The following MGAT5B variants were observed in gnomAD, a reference collection of about 807,000 sequenced individuals.
MGAT5B encodes the protein alpha-1,6-mannosylglycoprotein 6-beta-N-acetylglucosaminyltransferase B, also known as N-acetylglucosaminyl-transferase Vb.
MGAT5B carries 54 observed loss-of-function variants against 95.1 expected under a neutral mutation model. That is an observed-to-expected ratio of 0.57 (90% confidence interval 0.46 to 0.71). The LOEUF (loss-of-function observed/expected upper bound fraction) is 0.71. Ranked by LOEUF, MGAT5B falls within the 30% of genes least tolerant of loss-of-function variation. The pLI is 0.00. For missense variants in MGAT5B, 935 were observed against 1,088.6 expected (o/e 0.86, Z 1.99); for synonymous variants, 464 against 451.0 (o/e 1.03, Z -0.36).
At chr17:76,894,040 C>T (rs2051258236) in intron 3 of MGAT5B, among the ~76,000 whole-genome samples, 1 of 152,178 alleles carries the variant, frequency 6.6e-6, no homozygotes, top group African/African-American at 2.4e-5. Flanking sequence ...TGATTGAAGC[C>T]AGTGTTCCAC....
Position 76,930,793 on chromosome 17 carries a change from G to A in MGAT5B, c.1292-1852G>A, listed in dbSNP as rs1281529034. On this transcript the variant is annotated intron_variant, in intron 10 of 17. Transcript: ENST00000569840. The surrounding 1 kb of genome is among the most constrained non-coding windows in gnomAD (Gnocchi z 4.1). ...CTGCTGTAACAGAGACCTAACTGCCGCAGATGGGGCCACAAAGGGAGGCAC... is the reference window on the plus strand; with the variant it reads ...CTGCTGTAACAGAGACCTAACTGCCACAGATGGGGCCACAAAGGGAGGCAC... Among the ~76,000 whole-genome samples, 3 of 152,292 alleles carry A rather than the reference G, an allele frequency of 2.0e-5. No homozygotes were observed. The highest frequency in any genetic ancestry group is 2.0e-4 in the Admixed American group (3 of 15,296).
chr17:76,946,413 G>C lies in MGAT5B; in HGVS notation c.1886G>C (p.Gly629Ala). The C allele has an allele frequency of 6.2e-7, 1 of 1,605,940 alleles. No individual in the cohort carries two copies. The highest frequency in any genetic ancestry group is 8.5e-7 in the Non-Finnish European group (1 of 1,175,834). ...CTACCCTACGAGTACACCTGCGAGG[G>C]GATGCTGGAGCGGATCCACGCCTAC... is the stretch of plus-strand genomic sequence containing the variant. ...PYLPYEYTCE[G>A]MLERIHAYIQ... The change falls in exon 16 of 18, where the codon GGG (glycine) becomes GCG (alanine). Residue 629 changes from glycine (G) to alanine (A), a missense_variant. By Grantham distance (60) the Gly-to-Ala change is moderately conservative. This residue lies in a region of MGAT5B where 440 missense variants were observed against 523.6 expected (regional missense o/e 0.84). Coordinates refer to ENST00000569840, the MANE Select transcript of MGAT5B (RefSeq NM_001199172.2).
chr17:76,948,126 C>T lies in MGAT5B; in HGVS notation c.2180+40C>T, dbSNP rs748600553. On this transcript the variant is annotated intron_variant, in intron 17 of 17. Transcript: ENST00000569840. ...ACCCTCCCCACCCAGCCGCTATCATCGCTGGCCCAGCCGGGTTCACTGAGA... is the reference window on the plus strand; with the variant it reads ...ACCCTCCCCACCCAGCCGCTATCATTGCTGGCCCAGCCGGGTTCACTGAGA... 4.6e-5 allele frequency: 67 copies of T among 1,451,480 alleles called. No individual in the cohort carries two copies. In the East Asian group the frequency reaches 1.1e-3, roughly 25 times the overall value. 89.9% of individuals were successfully genotyped at this position (1,451,480 alleles called of 1,614,324 possible).
chr17:76,887,182 G>A (rs1328223626), intron 3 of MGAT5B, among the ~76,000 whole-genome samples: 3 of 152,190 alleles, frequency 2.0e-5, no homozygotes, highest in South Asian at 2.1e-4. Context: ...ACACTCAGAC[G>A]TGGGGTCTCC....
intron 3 of MGAT5B, among the ~76,000 whole-genome samples, chr17:76,891,449 G>A (rs1003523116): frequency 6.6e-6 from 1 of 151,684 alleles, no homozygotes; most frequent in Non-Finnish European, 1.5e-5. Flanking sequence ...GTACAATCTC[G>A]GCTCACTACA....
At position 76,933,529 on chromosome 17, in the gene MGAT5B, C is replaced by T. The variant is rs569071092; in HGVS notation, c.1428+232C>T. ...AGGCAAGTCCTGGGAGGTCAAGGTCCTGCTTGGCATGGCCACAGGGCAGCC... is the reference window on the plus strand; with the variant it reads ...AGGCAAGTCCTGGGAGGTCAAGGTCTTGCTTGGCATGGCCACAGGGCAGCC... On this transcript the variant is annotated intron_variant, in intron 12 of 17. Coordinates refer to ENST00000569840, the MANE Select transcript of MGAT5B (RefSeq NM_001199172.2). 1.1e-4 allele frequency among the ~76,000 whole-genome samples: 17 copies of T among 152,250 alleles called. 1 individual carries two copies. Among genetic ancestry groups the T allele is most frequent in the Non-Finnish European group, 2.4e-4 (16 of 68,012 alleles).
intron 8 of MGAT5B, among the ~76,000 whole-genome samples, chr17:76,921,487 G>A (rs1425266559): frequency 6.6e-6 from 1 of 152,144 alleles, no homozygotes; most frequent in Non-Finnish European, 1.5e-5. Context: ...GGGTGCCAAG[G>A]TTTAGGGCTG....
At chr17:76,913,973 C>T (rs925702349) in intron 8 of MGAT5B, 26 of 350,662 alleles carry the variant, frequency 7.4e-5, no homozygotes, top group South Asian at 2.6e-4. Flanking sequence ...TAGCCAAGTG[C>T]GCCTGTGGTC....
intron 15 of MGAT5B, among the ~76,000 whole-genome samples, chr17:76,941,293 C>T (rs553737205): frequency 2.3e-4 from 35 of 152,346 alleles, no homozygotes; most frequent in Middle Eastern, 3.4e-3. Flanking sequence ...GGCAACGCTT[C>T]GAGTAGCAAG....
In MGAT5B at chr17:76,903,325, G is replaced by T; in HGVS notation, c.468G>T (p.Gln156His). ...CAGTGTCAGAAGGCCGGCGGGACCA[G>T]TGTGAGGCACCCAGTGACCCCAAGT... is the stretch of plus-strand genomic sequence containing the variant. ...HSKVSEGRRDQCEAPSDPKFP... is the reference protein window; with the variant it reads ...HSKVSEGRRDHCEAPSDPKFP... Residue 156 changes from glutamine (Q) to histidine (H), a missense_variant, in exon 5 of 18, where the codon CAG becomes CAT. Around this residue, in one of 4 missense-constraint regions of MGAT5B, gnomAD observed 243 missense variants for 228.2 expected, o/e 1.06. Transcript: ENST00000569840. The T allele has an allele frequency of 6.2e-7, 1 of 1,611,302 alleles. No homozygotes were observed. The highest frequency in any genetic ancestry group is 8.5e-7 in the Non-Finnish European group (1 of 1,178,712).
chr17:76,931,030 C>T (rs1226072748), intron 10 of MGAT5B, among the ~76,000 whole-genome samples: 1 of 152,238 alleles, frequency 6.6e-6, no homozygotes, highest in East Asian at 1.9e-4. Context: ...GGCTCTGTTT[C>T]AGGTGCTGGT....
chr17:76,926,473 A>G lies in MGAT5B; in HGVS notation c.1158-124A>G, dbSNP rs1204489953. The G allele has an allele frequency of 5.3e-6, 5 of 935,976 alleles. No homozygotes were observed. The East Asian group carries it at 8.0e-5, about 15-fold the overall frequency. 58.0% of individuals were successfully genotyped at this position (935,976 alleles called of 1,614,324 possible). On this transcript the variant is annotated intron_variant, in intron 9 of 17. Coordinates refer to ENST00000569840, the MANE Select transcript of MGAT5B (RefSeq NM_001199172.2). ...AGGGCAGTGTCCTAGTCCAAGTGCTAACACACACTGTGCTACTCTGACTCC... is the reference window on the plus strand; with the variant it reads ...AGGGCAGTGTCCTAGTCCAAGTGCTGACACACACTGTGCTACTCTGACTCC...
Position 76,903,324 on chromosome 17 carries a change from A to T in MGAT5B, c.467A>T (p.Gln156Leu), listed in dbSNP as rs1261107519. ...ACAGTGTCAGAAGGCCGGCGGGACC[A>T]GTGTGAGGCACCCAGTGACCCCAAG... ...HSKVSEGRRD[Q>L]CEAPSDPKFP... Residue 156 changes from glutamine (Q) to leucine (L), a missense_variant, in exon 5 of 18, where the codon CAG becomes CTG. Gln to Leu is a moderately radical substitution (Grantham distance 113). Transcript: ENST00000569840. 1.2e-6 allele frequency: 2 copies of T among 1,610,786 alleles called. No individual in the cohort carries two copies. The highest frequency in any genetic ancestry group is 1.7e-6 in the Non-Finnish European group (2 of 1,178,546).
At chr17:76,913,386 A>G (rs1968812010) in intron 8 of MGAT5B, among the ~76,000 whole-genome samples, 1 of 152,256 alleles carries the variant, frequency 6.6e-6, no homozygotes, top group Non-Finnish European at 1.5e-5. Context: ...TGAGCTGACC[A>G]GAACCAGGCT....
chr17:76,897,705 CTTTCTTTCTTTCTTTCTTTCTT>C (rs1968128331), intron 3 of MGAT5B, among the ~76,000 whole-genome samples: 1 of 96,170 alleles, frequency 1.0e-5, no homozygotes, highest in Non-Finnish European at 1.9e-5. Context: ...TTCTTTCTTT[CTTTCTTTCTTTCTTTCTTTCTT>C]TTTCTTTTTT....
At chr17:76,932,542 A>C in intron 10 of MGAT5B, 103 bp from the exon 11 acceptor site, 10 of 1,494,644 alleles carry the variant, frequency 6.7e-6, no homozygotes, top group East Asian at 2.4e-5. Flanking sequence ...CCCCTTTCCC[A>C]CCCCTGCCAA....
In MGAT5B at chr17:76,902,948, C is replaced by T. The variant is rs376894919; in HGVS notation, c.445+278C>T. 4.6e-5 allele frequency among the ~76,000 whole-genome samples: 7 copies of T among 152,206 alleles called. No individual in the cohort carries two copies. In the East Asian group the frequency reaches 1.2e-3, roughly 25 times the overall value. On this transcript the variant is annotated intron_variant, in intron 4 of 17. Coordinates refer to ENST00000569840, the MANE Select transcript of MGAT5B (RefSeq NM_001199172.2). ...TGAGGCCACCTGGGGAAGGGTCCCTCGGCGGCCCCTCCAGTCCCTGTGATG... is the reference window on the plus strand; with the variant it reads ...TGAGGCCACCTGGGGAAGGGTCCCTTGGCGGCCCCTCCAGTCCCTGTGATG...
intron 4 of MGAT5B, 135 bp downstream of exon 4, chr17:76,902,805 C>A (rs897446387): frequency 1.4e-6 from 1 of 721,504 alleles, no homozygotes; most frequent in African/African-American, 1.8e-5. Context: ...CTCTTCGGGG[C>A]CCCAGTTTAG....
At position 76,950,271 on chromosome 17, in the gene MGAT5B, T is replaced by C. The variant is rs1970165626; in HGVS notation, c.*1433T>C. The C allele has an allele frequency of 6.6e-6, 1 of 152,640 alleles. No homozygotes were observed. The highest frequency in any genetic ancestry group is 2.4e-5 in the African/African-American group (1 of 41,444). The allele number at this position is 152,640 out of a possible 1,614,324, so 9.5% of individuals were successfully genotyped here. On this transcript the variant is annotated 3_prime_UTR_variant, in exon 18 of 18. Transcript: ENST00000569840. ...GAAACCACGATGGCAAAAAATCTCA[T>C]TGGTTCTCAAGGACTAACCTGTGGG...
Sources: gnomAD v4.1 joint callset for allele counts (sites outside exome capture counted in the v4.1 genomes callset) on GRCh38, gnomAD v4.1.1 for gene constraint, gnomAD v4.1.1 regional missense constraint, Gnocchi (gnomAD v3.1) non-coding constraint, MANE v1.5 for transcripts, NCBI Gene and HGNC (gene_info 2026-07-23, HGNC 2026-07-21) for gene names.